RGS6: variants seen among roughly 807,000 people sequenced by gnomAD.
RGS6 encodes regulator of G-protein signaling 6.
RGS6 carries 30 observed loss-of-function variants against 78.5 expected under a neutral mutation model. That is an observed-to-expected ratio of 0.38 (90% CI 0.29 to 0.52). RGS6 has a LOEUF of 0.52. RGS6 is among the 20% of genes least tolerant of loss of function. RGS6 has a pLI of 0.85. For synonymous variants in RGS6, 206 were observed against 206.0 expected, an observed-to-expected ratio of 1.00 and a Z score of 0.00; for missense variants, 495 against 609.7, an observed-to-expected ratio of 0.81 and a Z score of 1.98.
chr14:72,355,504 A>G (rs1319227349), intron 3 of RGS6, among the ~76,000 whole-genome samples: 1 of 152,092 alleles, frequency 6.6e-6, no homozygotes, highest in African/African-American at 2.4e-5. Flanking sequence ...ATTTTTTTAA[A>G]TTTATTCATT....
At chr14:71,873,570 A>C in the RGS6 span, among the ~76,000 whole-genome samples, 3 of 152,052 alleles carry the variant, frequency 2.0e-5, no homozygotes, top group Admixed American at 2.0e-4. Flanking sequence ...AGATTGCAAA[A>C]ATTTTCTCCC....
chr14:72,120,692 G>A (rs2096026240), intron 2 of RGS6, among the ~76,000 whole-genome samples: 2 of 152,166 alleles, frequency 1.3e-5, no homozygotes, highest in African/African-American at 4.8e-5. Flanking sequence ...GAAATATTAA[G>A]TAAAAGAAGC....
chr14:72,399,707 C>A (rs1447578066), intron 3 of RGS6, among the ~76,000 whole-genome samples: 1 of 152,024 alleles, frequency 6.6e-6, no homozygotes, highest in Non-Finnish European at 1.5e-5. Context: ...CCTTCAGGAG[C>A]TCTTTTAGGG....
chr14:71,881,415 A>G, the RGS6 span, among the ~76,000 whole-genome samples: 3 of 152,218 alleles, frequency 2.0e-5, no homozygotes, highest in South Asian at 6.2e-4. Context: ...CCCCACCCAA[A>G]TCTCATCTTG....
chr14:72,365,297 G>A (rs546324556), intron 3 of RGS6, among the ~76,000 whole-genome samples: 46 of 152,176 alleles, frequency 3.0e-4, no homozygotes, highest in Admixed American at 8.5e-4. Flanking sequence ...TGGGTACTGA[G>A]GATAGAGATA....
chr14:72,379,481 G>A (rs972900581), intron 3 of RGS6, among the ~76,000 whole-genome samples: 9 of 152,056 alleles, frequency 5.9e-5, no homozygotes, highest in Admixed American at 5.9e-4. Flanking sequence ...ATTCAGTAAA[G>A]TTGCAGGTTA....
At chr14:72,250,980 A>G (rs980222377) in intron 2 of RGS6, among the ~76,000 whole-genome samples, 2 of 152,224 alleles carry the variant, frequency 1.3e-5, no homozygotes, top group Non-Finnish European at 2.9e-5. Flanking sequence ...ATACAAAAAA[A>G]TGAGGCTCAC....
intron 3 of RGS6, among the ~76,000 whole-genome samples, chr14:72,412,859 T>C (rs1489973783): frequency 1.3e-5 from 2 of 152,190 alleles, no homozygotes; most frequent in South Asian, 4.1e-4. Flanking sequence ...TTGTTCAGTT[T>C]CCATGTAGTT....
chr14:72,397,826 T>G (rs1596794137), intron 3 of RGS6, among the ~76,000 whole-genome samples: 3 of 152,366 alleles, frequency 2.0e-5, no homozygotes, highest in Admixed American at 2.0e-4. Context: ...TTTTTGTCTT[T>G]GGTTCTGTTT....
At chr14:72,537,604 G>A in intron 16 of RGS6, 1 of 702,130 alleles carries the variant, frequency 1.4e-6, no homozygotes, top group Non-Finnish European at 2.6e-6. Context: ...TCCTTTGGAG[G>A]AGGCCGACAC....
chr14:72,260,317 A>G (rs1325869400), intron 2 of RGS6, among the ~76,000 whole-genome samples: 1 of 152,240 alleles, frequency 6.6e-6, no homozygotes, highest in Non-Finnish European at 1.5e-5. Flanking sequence ...GTAATTTGCA[A>G]TGAAGATGTT....
chr14:72,322,351 C>T (rs534350253), intron 2 of RGS6, among the ~76,000 whole-genome samples: 1 of 151,616 alleles, frequency 6.6e-6, no homozygotes, highest in South Asian at 2.1e-4. Context: ...CAGGCATGAC[C>T]CCAGATGGAG....
intron 3 of RGS6, among the ~76,000 whole-genome samples, chr14:72,445,508 G>A (rs1241870360): frequency 6.6e-6 from 1 of 150,468 alleles, no homozygotes; most frequent in Non-Finnish European, 1.5e-5. Context: ...AACAGTATCA[G>A]TGGGTGAAAG....
In RGS6 at chr14:72,248,553, A is replaced by G. The variant is rs185646905; in HGVS notation, c.85-103542A>G. 5.9e-5 allele frequency among the ~76,000 whole-genome samples: 9 copies of G among 152,352 alleles called. No individual in the cohort carries two copies. In the East Asian group the frequency reaches 1.7e-3, roughly 29 times the overall value. On this transcript the variant is annotated intron_variant, in intron 2 of 17. Coordinates refer to ENST00000553525, the MANE Select transcript of RGS6 (RefSeq NM_001204424.2). ...TGAGGCCCTCAATAAGAGTGTAAAG[A>G]CCAAAAAGTTTGAGAACTTCTATCT...
the RGS6 span, among the ~76,000 whole-genome samples, chr14:72,606,309 A>C: frequency 6.6e-6 from 1 of 152,172 alleles, no homozygotes; most frequent in African/African-American, 2.4e-5. Flanking sequence ...CGCTAAGTCT[A>C]GGGCTGACTT....
intron 1 of RGS6, among the ~76,000 whole-genome samples, chr14:71,958,763 C>T (rs970287264): frequency 1.3e-5 from 2 of 152,164 alleles, no homozygotes; most frequent in African/African-American, 2.4e-5. Flanking sequence ...TCAGCGGTTT[C>T]CAAACCTGGC....
the RGS6 span, among the ~76,000 whole-genome samples, chr14:72,606,018 C>T: frequency 1.3e-5 from 2 of 152,122 alleles, no homozygotes; most frequent in African/African-American, 2.4e-5. Context: ...AAGGACTTTC[C>T]TTCCACCCTT....
chr14:72,274,822 G>A (rs148916785), intron 2 of RGS6, among the ~76,000 whole-genome samples: 16 of 152,294 alleles, frequency 1.1e-4, no homozygotes, highest in Non-Finnish European at 2.1e-4. Context: ...CAACTCATCC[G>A]AGGACTTCTG....
At chr14:72,327,021 A>G (rs910094404) in intron 2 of RGS6, among the ~76,000 whole-genome samples, 1 of 152,186 alleles carries the variant, frequency 6.6e-6, no homozygotes, top group African/African-American at 2.4e-5. Context: ...ATTTCTTTAT[A>G]GCAATGAAAG....
Sources: gnomAD v4.1 joint callset for allele counts (sites outside exome capture counted in the v4.1 genomes callset) on GRCh38, gnomAD v4.1.1 for gene constraint, MANE v1.5 for transcripts, NCBI Gene and HGNC (gene_info 2026-07-23, HGNC 2026-07-21) for gene names.